Variants in GAS7 observed in about 807,000 individuals in gnomAD.
GAS7 encodes the protein growth arrest specific 7, also known as growth arrest-specific protein 7.
Under a neutral mutation model 71.1 loss-of-function variants are expected in GAS7, and 28 were observed. The ratio of observed to expected loss-of-function variants is 0.39; its 90% CI spans 0.29 to 0.54. The LOEUF (loss-of-function observed/expected upper bound fraction) is 0.54. GAS7 is among the 20% of genes least tolerant of loss of function. The pLI is 0.62. For missense variants in GAS7, 436 were observed against 627.8 expected (o/e 0.69, Z 3.27); for synonymous variants, 258 against 245.8 (o/e 1.05, Z -0.46).
chr17:10,134,416 G>C (rs1056869799), intron 1 of GAS7, among the ~76,000 whole-genome samples: 1 of 152,192 alleles, frequency 6.6e-6, no homozygotes, highest in Admixed American at 6.5e-5. Flanking sequence ...CTTCCATATA[G>C]ATTTTATTTC....
intron 1 of GAS7, among the ~76,000 whole-genome samples, chr17:10,045,293 C>T (rs1218708274): frequency 1.3e-5 from 2 of 152,160 alleles, no homozygotes; most frequent in African/African-American, 2.4e-5. Flanking sequence ...AGACCAAGGG[C>T]TGTGCTGGGC....
chr17:10,021,818 A>G (rs1231914655), intron 1 of GAS7, among the ~76,000 whole-genome samples: 4 of 152,222 alleles, frequency 2.6e-5, no homozygotes, highest in Non-Finnish European at 5.9e-5. Flanking sequence ...ATAGGATTAT[A>G]ACAACGTGCA....
intron 1 of GAS7, among the ~76,000 whole-genome samples, chr17:10,155,518 C>T (rs1020260114): frequency 1.3e-5 from 2 of 152,266 alleles, no homozygotes; most frequent in Non-Finnish European, 2.9e-5. Flanking sequence ...ACTGTCTCTG[C>T]AGCAAATGGC....
At chr17:10,173,722 C>T (rs1449847751) in intron 1 of GAS7, among the ~76,000 whole-genome samples, 4 of 150,698 alleles carry the variant, frequency 2.7e-5, no homozygotes, top group Admixed American at 6.6e-5. Flanking sequence ...GAGCCGAGAT[C>T]GTGCCACTGC....
chr17:9,970,709 TG>T (rs2069926701), intron 3 of GAS7, among the ~76,000 whole-genome samples: 1 of 152,138 alleles, frequency 6.6e-6, no homozygotes, highest in Non-Finnish European at 1.5e-5. Context: ...TTATGTCTCT[TG>T]GGGGACACTC....
At chr17:10,010,311 G>A (rs575135080) in intron 2 of GAS7, among the ~76,000 whole-genome samples, 65 of 151,934 alleles carry the variant, frequency 4.3e-4, no homozygotes, top group Middle Eastern at 3.4e-3. Context: ...CCACCACGCC[G>A]GGCTAAATTT....
chr17:10,115,898 G>A (rs1196807962), intron 1 of GAS7, among the ~76,000 whole-genome samples: 1 of 152,300 alleles, frequency 6.6e-6, no homozygotes, highest in East Asian at 1.9e-4. Flanking sequence ...GGGGGTGGCA[G>A]TGGAGAGAAG....
intron 2 of GAS7, among the ~76,000 whole-genome samples, chr17:9,991,822 T>C (rs546924094): frequency 6.6e-6 from 1 of 151,872 alleles, no homozygotes; most frequent in Admixed American, 6.6e-5. Context: ...CAGGTGCTGG[T>C]AACCCACTGC....
intron 2 of GAS7, among the ~76,000 whole-genome samples, chr17:10,006,395 T>G (rs1363904050): frequency 7.3e-6 from 1 of 137,556 alleles, no homozygotes; most frequent in African/African-American, 2.7e-5. Context: ...AGTGGCGCGA[T>G]CTCGGCTCAC....
intron 1 of GAS7, among the ~76,000 whole-genome samples, chr17:10,108,344 C>T (rs2073779272): frequency 6.6e-6 from 1 of 152,226 alleles, no homozygotes; most frequent in Non-Finnish European, 1.5e-5. Context: ...AGGAATGAAT[C>T]TCTGAGTTGG....
At chr17:10,044,845 G>A (rs1806385) in intron 1 of GAS7, among the ~76,000 whole-genome samples, 4 of 151,752 alleles carry the variant, frequency 2.6e-5, no homozygotes, top group African/African-American at 9.7e-5. Flanking sequence ...ATGAGGTCAG[G>A]AGATGGAGAC....
chr17:10,035,399 AG>A (rs1339699727), intron 1 of GAS7, among the ~76,000 whole-genome samples: 1 of 152,150 alleles, frequency 6.6e-6, no homozygotes, highest in Non-Finnish European at 1.5e-5. Context: ...TACATTTTAA[AG>A]GTTCCCGGGT....
At chr17:10,124,419 C>T (rs1338368045) in intron 1 of GAS7, among the ~76,000 whole-genome samples, 2 of 152,210 alleles carry the variant, frequency 1.3e-5, no homozygotes, top group African/African-American at 2.4e-5. Flanking sequence ...AAGGAAGGAA[C>T]CCAGACATCC....
intron 1 of GAS7, among the ~76,000 whole-genome samples, chr17:10,127,141 C>G (rs2073957579): frequency 6.6e-6 from 1 of 152,206 alleles, no homozygotes; most frequent in African/African-American, 2.4e-5. Flanking sequence ...TTCCCAATGA[C>G]TGGCTGATGC....
intron 11 of GAS7, among the ~76,000 whole-genome samples, chr17:9,924,508 A>G (rs979582323): frequency 2.8e-5 from 4 of 144,276 alleles, no homozygotes; most frequent in African/African-American, 1.1e-4. Flanking sequence ...TAATTTAAAC[A>G]GATCTCTTCC....
intron 1 of GAS7, among the ~76,000 whole-genome samples, chr17:10,082,007 A>G: frequency 6.6e-6 from 1 of 152,224 alleles, no homozygotes; most frequent in Admixed American, 6.5e-5. Context: ...CCACCAATGG[A>G]GATAAAGGTG....
At chr17:10,053,902 A>T (rs551007634) in intron 1 of GAS7, among the ~76,000 whole-genome samples, 13 of 152,200 alleles carry the variant, frequency 8.5e-5, no homozygotes, top group Non-Finnish European at 1.8e-4. Context: ...TTCAGCATGC[A>T]TCAGAAGGGC....
At chr17:10,048,756 T>A (rs8072960) in intron 1 of GAS7, among the ~76,000 whole-genome samples, 9,327 of 152,192 alleles carry the variant, frequency 0.061, 595 homozygotes, top group African/African-American at 0.17. Context: ...AGACACCATC[T>A]CCTTACCCTC....
rs1478153257 is a variant in GAS7 at position 9,911,213 on chromosome 17, C to T, written c.*6015G>A. The T allele has an allele frequency of 8.6e-6, 2 of 233,298 alleles. No homozygotes were observed. Among genetic ancestry groups the T allele is most frequent in the Non-Finnish European group, 1.7e-5 (2 of 118,208 alleles). 14.5% of individuals were successfully genotyped at this position (233,298 alleles called of 1,614,324 possible). Reference sequence around the variant, plus strand: ...GCTGCAGGTGATGCTGGAAGGGAAGCGCCCCCACTTGACAGATGAGTGCAC... The same window carrying T: ...GCTGCAGGTGATGCTGGAAGGGAAGTGCCCCCACTTGACAGATGAGTGCAC... On this transcript the variant is annotated 3_prime_UTR_variant, in exon 14 of 14. Transcript: ENST00000432992. This position sits in a 1 kb window ranked among gnomAD's most constrained non-coding sequence, Gnocchi z 4.0.
Sources: allele counts gnomAD v4.1 joint callset (sites outside exome capture counted in the v4.1 genomes callset), GRCh38; gene constraint gnomAD v4.1.1; non-coding constraint Gnocchi (gnomAD v3.1); transcripts MANE v1.5; gene names NCBI Gene and HGNC (gene_info 2026-07-23, HGNC 2026-07-21).